PDSS2: variants seen among roughly 807,000 people sequenced by gnomAD.
PDSS2 encodes the protein all trans-polyprenyl-diphosphate synthase PDSS2.
A neutral mutation model predicts 44.5 loss-of-function variants in PDSS2; 31 were observed. The ratio of observed to expected loss-of-function variants is 0.70; its 90% CI spans 0.52 to 0.94. The LOEUF (loss-of-function observed/expected upper bound fraction) is 0.94, where lower values mean the gene tolerates loss of function less well. Ranked by LOEUF, PDSS2 falls within the 40% of genes least tolerant of loss-of-function variation. PDSS2 has a pLI of 0.00. For missense variants in PDSS2, 452 were observed against 482.2 expected (o/e 0.94, Z 0.59); for synonymous variants, 157 against 180.3 (o/e 0.87, Z 1.03).
chr6:107,158,948 T>C (rs1460581598), intron 7 of PDSS2, among the ~76,000 whole-genome samples: 3 of 151,032 alleles, frequency 2.0e-5, no homozygotes, highest in Non-Finnish European at 4.4e-5. Flanking sequence ...AGGCTGGTCT[T>C]GAACTCCTGA....
chr6:107,209,441 C>A (rs947954146), intron 6 of PDSS2, among the ~76,000 whole-genome samples: 1 of 152,056 alleles, frequency 6.6e-6, no homozygotes, highest in African/African-American at 2.4e-5. Context: ...AGAAAGAAAT[C>A]CTCCAGTTTT....
chr6:107,416,869 G>A (rs916959569), intron 1 of PDSS2, among the ~76,000 whole-genome samples: 6 of 151,440 alleles, frequency 4.0e-5, no homozygotes, highest in Admixed American at 3.9e-4. Flanking sequence ...CTTAACTGTA[G>A]AGAAAATAGA....
At chr6:107,411,112 C>T (rs1336465929) in intron 1 of PDSS2, among the ~76,000 whole-genome samples, 1 of 152,114 alleles carries the variant, frequency 6.6e-6, no homozygotes, top group Non-Finnish European at 1.5e-5. Flanking sequence ...TCTCAAACTC[C>T]TGACCTCAAA....
intron 2 of PDSS2, among the ~76,000 whole-genome samples, chr6:107,295,257 T>C (rs1166401684): frequency 6.6e-6 from 1 of 152,214 alleles, no homozygotes; most frequent in Non-Finnish European, 1.5e-5. Context: ...ACATCTGTTA[T>C]ACTGTGGACT....
At chr6:107,268,701 G>A (rs1406891235) in intron 3 of PDSS2, among the ~76,000 whole-genome samples, 1 of 152,050 alleles carries the variant, frequency 6.6e-6, no homozygotes, top group Non-Finnish European at 1.5e-5. Flanking sequence ...AAATAAAACT[G>A]CCCGCAATAT....
At chr6:107,182,705 A>G (rs1772027552) in intron 7 of PDSS2, among the ~76,000 whole-genome samples, 1 of 152,164 alleles carries the variant, frequency 6.6e-6, no homozygotes, top group South Asian at 2.1e-4. Flanking sequence ...ATCAGTGATT[A>G]TTTTTCCATC....
intron 2 of PDSS2, among the ~76,000 whole-genome samples, chr6:107,301,964 C>T (rs1776711302): frequency 6.9e-6 from 1 of 144,224 alleles, no homozygotes; most frequent in Non-Finnish European, 1.5e-5. Flanking sequence ...TAGGTAATGA[C>T]TCTATATGGG....
At chr6:107,217,168 G>C (rs527751036) in intron 4 of PDSS2, among the ~76,000 whole-genome samples, 1 of 152,140 alleles carries the variant, frequency 6.6e-6, no homozygotes, top group African/African-American at 2.4e-5. Flanking sequence ...GACAAACGGC[G>C]AATCTCCCTG....
chr6:107,274,192 T>C lies in PDSS2; in HGVS notation c.467A>G (p.His156Arg), dbSNP rs2114944146. 1.9e-6 allele frequency: 3 copies of C among 1,614,074 alleles called. No homozygotes were observed. Among genetic ancestry groups the C allele is most frequent in the Non-Finnish European group, 2.5e-6 (3 of 1,179,902 alleles). The change falls in exon 3 of 8, where the codon CAT becomes CGT. Residue 156 changes from histidine (H) to arginine (R), a missense_variant. His to Arg is a conservative substitution (Grantham distance 29). Coordinates refer to ENST00000369037, the MANE Select transcript of PDSS2 (RefSeq NM_020381.4). ...CCCACGATGTACAAGGAGAGCAATA[T>C]GAATTAGCTCCGTGATCTCTGCCAA... ...RSLAEITELI[H>R]IALLVHRGIV...
chr6:107,327,570 C>T (rs569317541), intron 2 of PDSS2, among the ~76,000 whole-genome samples: 1 of 152,220 alleles, frequency 6.6e-6, no homozygotes, highest in African/African-American at 2.4e-5. Context: ...CAATTCTCTG[C>T]CTCAGTCTCC....
chr6:107,346,141 G>C (rs1328577289), intron 1 of PDSS2, among the ~76,000 whole-genome samples: 1 of 152,182 alleles, frequency 6.6e-6, no homozygotes, highest in Non-Finnish European at 1.5e-5. Flanking sequence ...GGCACTTATT[G>C]AATAGAATGG....
intron 4 of PDSS2, among the ~76,000 whole-genome samples, chr6:107,216,937 A>G (rs1562382735): frequency 6.6e-6 from 1 of 152,186 alleles, no homozygotes; most frequent in Non-Finnish European, 1.5e-5. Context: ...CAACCAAACT[A>G]TATATAGGGA....
chr6:107,341,799 C>T (rs1001727215), intron 1 of PDSS2, among the ~76,000 whole-genome samples: 1 of 152,102 alleles, frequency 6.6e-6, no homozygotes, highest in African/African-American at 2.4e-5. Flanking sequence ...TAGTTTGGCA[C>T]TTAACACACT....
chr6:107,425,822 G>A (rs1049380357), intron 1 of PDSS2, among the ~76,000 whole-genome samples: 10 of 152,168 alleles, frequency 6.6e-5, no homozygotes, highest in South Asian at 2.1e-4. Context: ...TTAGCTGGGC[G>A]TGGTGGCAGG....
At chr6:107,262,759 G>A (rs569687771) in intron 3 of PDSS2, among the ~76,000 whole-genome samples, 77 of 151,568 alleles carry the variant, frequency 5.1e-4, no homozygotes, top group Non-Finnish European at 1.0e-3. Flanking sequence ...GTGACAGAAT[G>A]AGACTCTGTC....
At chr6:107,389,275 A>G (rs1779708412) in intron 1 of PDSS2, among the ~76,000 whole-genome samples, 1 of 152,216 alleles carries the variant, frequency 6.6e-6, no homozygotes, top group Non-Finnish European at 1.5e-5. Flanking sequence ...TGGAATGTAG[A>G]CTGTGAAAAA....
chr6:107,254,115 C>A (rs1355510131), intron 3 of PDSS2, among the ~76,000 whole-genome samples: 2 of 149,654 alleles, frequency 1.3e-5, no homozygotes, highest in Non-Finnish European at 3.0e-5. Context: ...CTCACTGCAA[C>A]CTCTGCCTCC....
intron 6 of PDSS2, among the ~76,000 whole-genome samples, chr6:107,209,377 G>A (rs1773118147): frequency 6.6e-6 from 1 of 152,016 alleles, no homozygotes. Flanking sequence ...TACTGAGGAG[G>A]CCCCAAATAT....
At chr6:107,439,691 C>T (rs1359831858) in intron 1 of PDSS2, among the ~76,000 whole-genome samples, 2 of 152,154 alleles carry the variant, frequency 1.3e-5, no homozygotes, top group Non-Finnish European at 2.9e-5. Flanking sequence ...TACAGTGGTA[C>T]GTATCATTGT....
Sources: gnomAD v4.1 joint callset for allele counts (sites outside exome capture counted in the v4.1 genomes callset) on GRCh38, gnomAD v4.1.1 for gene constraint, MANE v1.5 for transcripts, NCBI Gene and HGNC (gene_info 2026-07-23, HGNC 2026-07-21) for gene names.